SLC7A6: variants seen among roughly 807,000 people sequenced by gnomAD.
SLC7A6 encodes the protein Y+L amino acid transporter 2.
SLC7A6 carries 29 observed loss-of-function variants against 46.6 expected under a neutral mutation model. The ratio of observed to expected loss-of-function variants is 0.62; its 90% CI spans 0.46 to 0.85. The LOEUF is 0.85. Among genes scored for constraint, SLC7A6 ranks in the 40% least tolerant of loss-of-function variants. The pLI is 0.00. For synonymous variants in SLC7A6, 276 were observed against 257.3 expected, an observed-to-expected ratio of 1.07 and a Z score of -0.70; for missense variants, 527 against 647.6, an observed-to-expected ratio of 0.81 and a Z score of 2.02.
intron 2 of SLC7A6, among the ~76,000 whole-genome samples, chr16:68,266,931 G>T (rs1291355904): frequency 6.6e-6 from 1 of 151,610 alleles, no homozygotes; most frequent in African/African-American, 2.4e-5. Flanking sequence ...AGTAATTGTG[G>T]TGGGTTTTTT....
At chr16:68,281,887 C>T (rs1044285640) in intron 3 of SLC7A6, among the ~76,000 whole-genome samples, 1 of 152,214 alleles carries the variant, frequency 6.6e-6, no homozygotes, top group Non-Finnish European at 1.5e-5. Flanking sequence ...TCATTGCTGA[C>T]ACAGCGGCAT....
intron 1 of SLC7A6, among the ~76,000 whole-genome samples, chr16:68,265,968 A>G (rs1045625748): frequency 6.6e-6 from 1 of 152,136 alleles, no homozygotes; most frequent in Non-Finnish European, 1.5e-5. Context: ...AGTTTCTAAA[A>G]AAGTTATGCA....
At chr16:68,271,016 A>AT (rs1478863511) in intron 2 of SLC7A6, among the ~76,000 whole-genome samples, 1 of 151,912 alleles carries the variant, frequency 6.6e-6, no homozygotes, top group Non-Finnish European at 1.5e-5. Flanking sequence ...TGCCTGGCTA[A>AT]TTTTTGTATT....
chr16:68,274,513 G>A (rs539242251), intron 2 of SLC7A6, among the ~76,000 whole-genome samples, 178 bp from the exon 3 acceptor site: 3 of 152,354 alleles, frequency 2.0e-5, no homozygotes, highest in Admixed American at 2.0e-4. Flanking sequence ...TGGGAGCAGT[G>A]AAGGTCTACC....
chr16:68,301,549 CTT>C lies in SLC7A6; in HGVS notation c.*4230_*4231del. 1.7e-6 allele frequency: 1 copy of C among 575,578 alleles called. No homozygotes were observed. Among genetic ancestry groups the C allele is most frequent in the Non-Finnish European group, 2.7e-6 (1 of 366,052 alleles). The allele number at this position is 575,578 out of a possible 1,614,324, so 35.7% of individuals were successfully genotyped here. On this transcript the variant is annotated 3_prime_UTR_variant, in exon 11 of 11. Coordinates refer to ENST00000219343, the MANE Select transcript of SLC7A6 (RefSeq NM_003983.6). The stretch of plus-strand genomic sequence containing the variant: ...AATAAATAAAAAAGAATATAGAATT[CTT>C]TTTTTTTTAAAGAAGGAATCACTTT...
intron 2 of SLC7A6, among the ~76,000 whole-genome samples, chr16:68,271,958 C>T (rs928848848): frequency 3.3e-5 from 5 of 152,042 alleles, no homozygotes; most frequent in African/African-American, 7.2e-5. Flanking sequence ...CATGCCACCA[C>T]GCCCAGCTAA....
At chr16:68,290,081 G>A (rs146782342) in intron 4 of SLC7A6, 5 of 260,514 alleles carry the variant, frequency 1.9e-5, no homozygotes, top group African/African-American at 4.4e-5. Flanking sequence ...ATCAGAGGGC[G>A]GCCAAGAATG....
At chr16:68,294,416 G>C (rs1316236226) in intron 7 of SLC7A6, among the ~76,000 whole-genome samples, 1 of 152,160 alleles carries the variant, frequency 6.6e-6, no homozygotes, top group African/African-American at 2.4e-5. Flanking sequence ...GGCATCTGTT[G>C]GATGTTGGTG....
chr16:68,297,572 T>C lies in SLC7A6; in HGVS notation c.*244T>C, dbSNP rs2043195719. The stretch of plus-strand genomic sequence containing the variant: ...GGGAACGGGGGGAATGGTCATTTAG[T>C]TTTACTCCTGATAGGTAGATGCAGC... On this transcript the variant is annotated 3_prime_UTR_variant, in exon 11 of 11. Coordinates refer to ENST00000219343, the MANE Select transcript of SLC7A6 (RefSeq NM_003983.6). The C allele has an allele frequency of 8.8e-6, 4 of 453,800 alleles. No individual in the cohort carries two copies. The highest frequency in any genetic ancestry group is 3.9e-5 in the Admixed American group (1 of 25,378). 28.1% of individuals were successfully genotyped at this position (453,800 alleles called of 1,614,324 possible).
At chr16:68,292,512 GTAC>G (rs1184491762) in intron 7 of SLC7A6, 1 of 152,152 alleles carries the variant, frequency 6.6e-6, no homozygotes, top group Non-Finnish European at 1.5e-5. Flanking sequence ...CTTACTGGAT[GTAC>G]TACTTTTTAT....
At chr16:68,284,042 T>C (rs2042878972) in intron 3 of SLC7A6, among the ~76,000 whole-genome samples, 1 of 151,994 alleles carries the variant, frequency 6.6e-6, no homozygotes, top group Non-Finnish European at 1.5e-5. Context: ...GCAGGGCTGA[T>C]AGTAGGGTGA....
intron 4 of SLC7A6, among the ~76,000 whole-genome samples, chr16:68,289,683 T>C (rs2043007855): frequency 6.6e-6 from 1 of 152,088 alleles, no homozygotes; most frequent in African/African-American, 2.4e-5. Context: ...CTGGGTGCTG[T>C]CCCCTGGGCT....
At chr16:68,276,418 A>C (rs893553332) in intron 3 of SLC7A6, among the ~76,000 whole-genome samples, 1 of 152,186 alleles carries the variant, frequency 6.6e-6, no homozygotes, top group African/African-American at 2.4e-5. Flanking sequence ...CTGCTTGCAA[A>C]AGCATTGGCA....
intron 2 of SLC7A6, among the ~76,000 whole-genome samples, chr16:68,270,060 G>A (rs754467708): frequency 1.7e-4 from 26 of 152,216 alleles, no homozygotes; most frequent in East Asian, 7.7e-4. Context: ...AAGCCACTGC[G>A]TCCAGCCACC....
chr16:68,271,273 G>A (rs185119625), intron 2 of SLC7A6, among the ~76,000 whole-genome samples: 17 of 152,288 alleles, frequency 1.1e-4, no homozygotes, highest in Admixed American at 5.2e-4. Context: ...GATTATAGGC[G>A]TGAGTCATCA....
intron 3 of SLC7A6, among the ~76,000 whole-genome samples, chr16:68,282,233 G>T (rs1055007830): frequency 6.6e-6 from 1 of 152,056 alleles, no homozygotes; most frequent in African/African-American, 2.4e-5. Context: ...TATATAGTTC[G>T]AATGCTTTCA....
chr16:68,291,425 T>C lies in SLC7A6; in HGVS notation c.918+93T>C, dbSNP rs1344384909. 30 of 1,581,534 alleles carry C rather than the reference T, an allele frequency of 1.9e-5. 2 individuals are homozygous for C. The South Asian group carries it at 3.4e-4, about 18-fold the overall frequency. ...TGTCTTACTGCACCCTCCTCAGCTC[T>C]GCAGGATGAGGTCATGAGTCTAGGC... On this transcript the variant is annotated intron_variant, in intron 6 of 10. Coordinates refer to ENST00000219343, the MANE Select transcript of SLC7A6 (RefSeq NM_003983.6).
intron 3 of SLC7A6, among the ~76,000 whole-genome samples, chr16:68,281,078 T>C (rs978266171): frequency 3.3e-5 from 5 of 152,212 alleles, no homozygotes; most frequent in African/African-American, 1.2e-4. Context: ...CAGTCCACTG[T>C]AGTCCTCCAC....
chr16:68,279,244 A>C (rs963814275), intron 3 of SLC7A6, among the ~76,000 whole-genome samples: 85 of 152,010 alleles, frequency 5.6e-4, no homozygotes, highest in African/African-American at 1.7e-3. Context: ...CGGGAGCCTG[A>C]GGAGGGAGGA....
Sources: gnomAD v4.1 joint callset for allele counts (sites outside exome capture counted in the v4.1 genomes callset) on GRCh38, gnomAD v4.1.1 for gene constraint, MANE v1.5 for transcripts, NCBI Gene and HGNC (gene_info 2026-07-23, HGNC 2026-07-21) for gene names.